AMMECR1: variants seen among roughly 807,000 people sequenced by gnomAD.
AMMECR1 encodes the protein AMMECR nuclear protein 1.
AMMECR1 carries 3 observed loss-of-function variants against 22.5 expected under a neutral mutation model. That is an observed-to-expected ratio of 0.13 (90% CI 0.06 to 0.35). AMMECR1 has a LOEUF of 0.35. Among genes scored for constraint, AMMECR1 ranks in the 10% least tolerant of loss-of-function variants. AMMECR1 has a pLI of 1.00. For missense variants in AMMECR1, 235 were observed against 278.7 expected, an observed-to-expected ratio of 0.84 and a Z score of 1.12; for synonymous variants, 130 against 116.7, an observed-to-expected ratio of 1.11 and a Z score of -0.74.
At chrX:110,259,233 C>T (rs954800538) in intron 2 of AMMECR1, among the ~76,000 whole-genome samples, 1 of 111,598 alleles carries the variant, frequency 9.0e-6, no homozygotes, top group African/African-American at 3.3e-5. Context: ...AAACAAAACA[C>T]AGCACATCAC....
chrX:110,312,721 T>A (rs980840558), intron 1 of AMMECR1, among the ~76,000 whole-genome samples: 2 of 112,180 alleles, frequency 1.8e-5, no homozygotes, highest in African/African-American at 6.5e-5. Flanking sequence ...CATGCCTGCC[T>A]TCTTTTCTAT....
At chrX:110,225,526 G>A (rs1168216365) in intron 2 of AMMECR1, among the ~76,000 whole-genome samples, 1 of 112,408 alleles carries the variant, frequency 8.9e-6, no homozygotes, top group Admixed American at 9.4e-5. Context: ...ACAGGATGAA[G>A]ATTATATAGG....
intron 1 of AMMECR1, among the ~76,000 whole-genome samples, chrX:110,301,249 T>C (rs1385599060): frequency 1.8e-5 from 2 of 112,659 alleles, no homozygotes; most frequent in East Asian, 5.6e-4. Context: ...ATGATCGACA[T>C]ATTTTCTAAA....
intron 1 of AMMECR1, among the ~76,000 whole-genome samples, chrX:110,432,842 A>G (rs1231879286): frequency 8.9e-6 from 1 of 112,984 alleles, no homozygotes; most frequent in African/African-American, 3.2e-5. Flanking sequence ...ACTTCTGCAC[A>G]GCCTTTTGGC....
chrX:110,403,466 A>G (rs2068578171), intron 2 of AMMECR1, among the ~76,000 whole-genome samples: 1 of 111,268 alleles, frequency 9.0e-6, no homozygotes, highest in African/African-American at 3.3e-5. Flanking sequence ...ACACACACAC[A>G]CGCATGCGCG....
At chrX:110,318,240 GC>G (rs1237269394), upstream of AMMECR1, 2 of 201,195 alleles carry the variant, frequency 9.9e-6, no homozygotes, top group Non-Finnish European at 1.5e-5. Context: ...CCCCGCGCGC[GC>G]CCCCGCCTCG....
intron 1 of AMMECR1, among the ~76,000 whole-genome samples, chrX:110,293,827 T>C (rs770668361): frequency 3.6e-5 from 4 of 111,671 alleles, no homozygotes; most frequent in African/African-American, 6.5e-5. Context: ...CAATGACTCA[T>C]CAGACACCTT....
At chrX:110,395,113 G>A (rs1260472638) in intron 2 of AMMECR1, among the ~76,000 whole-genome samples, 1 of 112,510 alleles carries the variant, frequency 8.9e-6, no homozygotes, top group Non-Finnish European at 1.9e-5. Context: ...TTGTTTCAGG[G>A]GCTGCTTTGT....
intron 1 of AMMECR1, among the ~76,000 whole-genome samples, chrX:110,274,799 T>A (rs892429518): frequency 8.9e-6 from 1 of 112,099 alleles, no homozygotes; most frequent in African/African-American, 3.2e-5. Flanking sequence ...TGTTCTCCAC[T>A]TCTCTTTTAC....
At position 110,393,068 on chromosome X, in the gene AMMECR1, A is replaced by G. The variant is rs2068505611; in HGVS notation, c.-148+33590T>C. ...TTAAGACCACATTTGCACAATTTGC[A>G]CATTGTCCCTCTTGGGCCTGCTTCC... On this transcript the variant is annotated intron_variant, in intron 2 of 7. Coordinates refer to the AMMECR1 transcript ENST00000372057. 7.2e-5 allele frequency among the ~76,000 whole-genome samples: 8 copies of G among 111,677 alleles called. 1 individual carries two copies. The highest frequency in any genetic ancestry group is 2.8e-4 in the Admixed American group (3 of 10,564).
chrX:110,254,747 A>T (rs1216033340), intron 2 of AMMECR1, among the ~76,000 whole-genome samples: 3 of 112,415 alleles, frequency 2.7e-5, no homozygotes, highest in Non-Finnish European at 5.6e-5. Context: ...CTTCCCTTCC[A>T]TTTAAAATTT....
intron 1 of AMMECR1, among the ~76,000 whole-genome samples, chrX:110,434,287 G>C (rs2148334130): frequency 9.0e-6 from 1 of 111,706 alleles, no homozygotes; most frequent in East Asian, 2.8e-4. Flanking sequence ...TTTGTTCTGT[G>C]AGCAAGAGGG....
At chrX:110,257,574 G>A (rs931122883) in intron 2 of AMMECR1, among the ~76,000 whole-genome samples, 1 of 111,520 alleles carries the variant, frequency 9.0e-6, no homozygotes, top group African/African-American at 3.3e-5. Flanking sequence ...TGATTTACAC[G>A]CATCCCTATA....
chrX:110,343,378 C>A (rs1047906394), intron 2 of AMMECR1, among the ~76,000 whole-genome samples: 1 of 111,277 alleles, frequency 9.0e-6, no homozygotes, highest in Non-Finnish European at 1.9e-5. Flanking sequence ...AAACCCACAG[C>A]CAATATAATA....
At chrX:110,232,889 C>CAAAAAAAAAAA (rs775605567) in intron 2 of AMMECR1, among the ~76,000 whole-genome samples, 3 of 11,908 alleles carry the variant, frequency 2.5e-4, no homozygotes, top group Non-Finnish European at 2.7e-4. Context: ...GACTCAGTCT[C>CAAAAAAAAAAA]AAAAAAAAAA....
At chrX:110,367,477 CA>C (rs2068305193) in intron 2 of AMMECR1, among the ~76,000 whole-genome samples, 1 of 111,488 alleles carries the variant, frequency 9.0e-6, no homozygotes, top group Non-Finnish European at 1.9e-5. Flanking sequence ...GCATTTGACA[CA>C]GTTTATCACT....
intron 3 of AMMECR1, among the ~76,000 whole-genome samples, chrX:110,214,676 C>T (rs2067464626): frequency 8.9e-6 from 1 of 111,843 alleles, no homozygotes; most frequent in African/African-American, 3.3e-5. Flanking sequence ...CATGCACACA[C>T]ATTTATGTAA....
intron 2 of AMMECR1, among the ~76,000 whole-genome samples, chrX:110,229,511 GAGGATGAAAAA>G (rs758217399): frequency 2.7e-5 from 3 of 112,340 alleles, no homozygotes; most frequent in Non-Finnish European, 5.6e-5. Context: ...AGCTTCATTT[GAGGATGAAAAA>G]AGGGCAATGG....
At chrX:110,360,628 C>G (rs1438767353) in intron 2 of AMMECR1, among the ~76,000 whole-genome samples, 1 of 111,704 alleles carries the variant, frequency 9.0e-6, no homozygotes, top group Non-Finnish European at 1.9e-5. Context: ...TAAGCAAATG[C>G]TTATGAATAG....
Sources: gnomAD v4.1 joint callset for allele counts (sites outside exome capture counted in the v4.1 genomes callset) on GRCh38, gnomAD v4.1.1 for gene constraint, MANE v1.5 for transcripts, NCBI Gene and HGNC (gene_info 2026-07-23, HGNC 2026-07-21) for gene names.